Variants in TMIE observed in about 807,000 individuals in gnomAD.
TMIE encodes transmembrane inner ear, also known as transmembrane inner ear expressed protein.
In TMIE, 14 loss-of-function variants were observed where a neutral mutation model predicts 16.8. The ratio of observed to expected loss-of-function variants is 0.83; its 90% CI spans 0.55 to 1.30. The LOEUF (loss-of-function observed/expected upper bound fraction) is 1.30, where lower values mean the gene tolerates loss of function less well. TMIE is among the 50% of genes most tolerant of loss of function. The pLI, the probability that TMIE is intolerant of heterozygous loss-of-function variation, is 0.00. For missense variants in TMIE, 204 were observed against 205.9 expected, an observed-to-expected ratio of 0.99 and a Z score of 0.06; for synonymous variants, 75 against 87.2, an observed-to-expected ratio of 0.86 and a Z score of 0.78.
intron 1 of TMIE, among the ~76,000 whole-genome samples, chr3:46,695,309 G>C (rs956128577): frequency 6.6e-6 from 1 of 152,260 alleles, no homozygotes; most frequent in African/African-American, 2.4e-5. Context: ...TTCTGGAAGA[G>C]CTGGTATGGG....
chr3:46,696,125 A>C (rs1575466292), intron 1 of TMIE, among the ~76,000 whole-genome samples: 1 of 152,174 alleles, frequency 6.6e-6, no homozygotes, highest in Non-Finnish European at 1.5e-5. Context: ...TTCCACAGTC[A>C]GGGAATGGGT....
chr3:46,706,546 G>C (rs545659513), intron 2 of TMIE, among the ~76,000 whole-genome samples: 2 of 152,344 alleles, frequency 1.3e-5, no homozygotes, highest in East Asian at 3.9e-4. Flanking sequence ...GCCAAGTGGG[G>C]AGGCTGCCAT....
chr3:46,706,602 TG>T (rs1396426919), intron 2 of TMIE, among the ~76,000 whole-genome samples: 2 of 148,880 alleles, frequency 1.3e-5, no homozygotes, highest in Admixed American at 6.7e-5. Context: ...AAAAGCAGAG[TG>T]GGGGGGAATG....
At chr3:46,694,169 C>T (rs185538561), upstream of TMIE, among the ~76,000 whole-genome samples, 29 of 152,330 alleles carry the variant, frequency 1.9e-4, no homozygotes, top group East Asian at 5.6e-3. Context: ...GAGGGGTATA[C>T]TGAGGCGCCC....
At position 46,701,549 on chromosome 3, in the gene TMIE, G is replaced by A. The variant is rs1658121557; in HGVS notation, c.62G>A (p.Cys21Tyr). 1.5e-6 allele frequency: 2 copies of A among 1,291,268 alleles called. No individual in the cohort carries two copies. The highest frequency in any genetic ancestry group is 1.5e-5 in the African/African-American group (1 of 64,684). 80.0% of individuals were successfully genotyped at this position (1,291,268 alleles called of 1,614,324 possible). Residue 21 changes from cysteine to tyrosine, a missense_variant, in exon 1 of 4, where the codon TGC (cysteine) becomes TAC (tyrosine). Physicochemically the swap from Cys to Tyr is radical, Grantham distance 194. Coordinates refer to ENST00000643606, the MANE Select transcript of TMIE (RefSeq NM_147196.3). This position sits in a 1 kb window ranked among gnomAD's most constrained non-coding sequence, Gnocchi z 4.3. ...CTGGGCGGCGCCGCACTCGGGGTGT[G>A]CCTCGCGGGGGTTGCCGGGCAGCTG... is the stretch of plus-strand genomic sequence containing the variant. ...CVLGGAALGVCLAGVAGQLVE... is the reference protein window; with the variant it reads ...CVLGGAALGVYLAGVAGQLVE...
chr3:46,706,856 C>A (rs1252889201), intron 2 of TMIE, among the ~76,000 whole-genome samples: 1 of 152,194 alleles, frequency 6.6e-6, no homozygotes, highest in African/African-American at 2.4e-5. Context: ...GGTGGGGAGG[C>A]AAAAGCTGCA....
chr3:46,695,020 G>A (rs1398297322), intron 1 of TMIE, among the ~76,000 whole-genome samples: 1 of 152,154 alleles, frequency 6.6e-6, no homozygotes, highest in Non-Finnish European at 1.5e-5. Flanking sequence ...CCTCAAGGAG[G>A]CTTCTGGTGA....
At chr3:46,698,266 G>A (rs890949644), upstream of TMIE, among the ~76,000 whole-genome samples, 4 of 152,092 alleles carry the variant, frequency 2.6e-5, no homozygotes, top group Admixed American at 1.3e-4. Context: ...GGATGGTCTC[G>A]ATCTCCTGAC....
rs1294117780 is a variant in TMIE at position 46,701,709 on chromosome 3, C to T, written c.93+129C>T. ...TCTTGCCCTGAGAGATCCAGTCTCC[C>T]GGGCGATGCAGCCCTGCCCCAAGCC... On this transcript the variant is annotated intron_variant, in intron 1 of 3. Coordinates refer to ENST00000643606, the MANE Select transcript of TMIE (RefSeq NM_147196.3). The surrounding 1 kb of genome is among the most constrained non-coding windows in gnomAD (Gnocchi z 4.3). The T allele has an allele frequency of 5.4e-5, 41 of 761,048 alleles. No homozygotes were observed. In the East Asian group the frequency reaches 5.8e-4, roughly 11 times the overall value. The allele number at this position is 761,048 out of a possible 1,614,324, so 47.1% of individuals were successfully genotyped here.
At chr3:46,697,241 A>G (rs1020027236), upstream of TMIE, among the ~76,000 whole-genome samples, 4 of 152,304 alleles carry the variant, frequency 2.6e-5, no homozygotes, top group African/African-American at 7.2e-5. Flanking sequence ...GGCAGGCCCC[A>G]GGAAACGGAA....
At chr3:46,704,477 ATGTCCCTAGATGCCCAGGGCAGGACCG>A (rs1700521196) in intron 1 of TMIE, among the ~76,000 whole-genome samples, 1 of 121,136 alleles carries the variant, frequency 8.3e-6, no homozygotes, top group African/African-American at 3.2e-5. Flanking sequence ...GGGCAGGACC[ATGTCCCTAGATGCCCAGGGCAGGACCG>A]TGTCCCCTAG....
chr3:46,704,325 CACCCA>C (rs1700517002), intron 1 of TMIE, among the ~76,000 whole-genome samples: 1 of 137,998 alleles, frequency 7.2e-6, no homozygotes, highest in Admixed American at 7.4e-5. Flanking sequence ...TGTCCCTAGA[CACCCA>C]GGGCAGGAAC....
chr3:46,697,545 G>A (rs190750581), upstream of TMIE, among the ~76,000 whole-genome samples: 16 of 152,244 alleles, frequency 1.1e-4, no homozygotes, highest in Admixed American at 5.9e-4. Flanking sequence ...TGTATCCTTC[G>A]TAATACCCTT....
chr3:46,701,424 G>T lies in TMIE; in HGVS notation c.-64G>T. 7.5e-7 allele frequency: 1 copy of T among 1,336,554 alleles called. No individual in the cohort carries two copies. The highest frequency in any genetic ancestry group is 9.9e-7 in the Non-Finnish European group (1 of 1,009,398). The allele number at this position is 1,336,554 out of a possible 1,614,324, so 82.8% of individuals were successfully genotyped here. ...CGTGGCCACCGAGCGCCGGCTGGCA[G>T]GGGCAGTGACCGGCGGCCGGCCCGT... On this transcript the variant is annotated 5_prime_UTR_variant, in exon 1 of 4. It adds an upstream start codon to the 5' untranslated region. Transcript: ENST00000643606. This position sits in a 1 kb window ranked among gnomAD's most constrained non-coding sequence, Gnocchi z 4.3.
In TMIE at chr3:46,709,733, C is replaced by T. The variant is rs781024320; in HGVS notation, c.*45C>T. On this transcript the variant is annotated 3_prime_UTR_variant, in exon 4 of 4. Transcript: ENST00000643606. ...GGCTGGCGGGCCCTGGAGCTCAAGC[C>T]GTGGCCGGGGTCCAGGCATGTTGGA... The T allele has an allele frequency of 8.7e-6, 14 of 1,611,896 alleles. No homozygotes were observed. Among genetic ancestry groups the T allele is most frequent in the African/African-American group, 2.7e-5 (2 of 74,886 alleles).
Position 46,701,566 on chromosome 3 carries a change from G to A in TMIE, c.79G>A (p.Gly27Arg). 4 of 1,285,606 alleles carry A rather than the reference G, an allele frequency of 3.1e-6. No individual in the cohort carries two copies. The highest frequency in any genetic ancestry group is 3.9e-6 in the Non-Finnish European group (4 of 1,019,436). The allele number at this position is 1,285,606 out of a possible 1,614,324, so 79.6% of individuals were successfully genotyped here. The change falls in exon 1 of 4, where the codon GGG becomes AGG. Residue 27 changes from glycine to arginine, a missense_variant. Coordinates refer to ENST00000643606, the MANE Select transcript of TMIE (RefSeq NM_147196.3). This position sits in a 1 kb window ranked among gnomAD's most constrained non-coding sequence, Gnocchi z 4.3. ...ALGVCLAGVA[G>R]QLVEPSTAPP... ...CGGGGTGTGCCTCGCGGGGGTTGCC[G>A]GGCAGCTGGTGGAGGTGAGGCCGCG...
chr3:46,702,736 G>C (rs1348545939), intron 1 of TMIE, among the ~76,000 whole-genome samples: 3 of 152,142 alleles, frequency 2.0e-5, no homozygotes, highest in Non-Finnish European at 4.4e-5. Context: ...GTTTGATGGG[G>C]ACATAGGGAC....
chr3:46,705,824 C>T lies in TMIE; in HGVS notation c.128C>T (p.Pro43Leu), dbSNP rs762693127. 1.4e-5 allele frequency: 23 copies of T among 1,614,116 alleles called. No individual in the cohort carries two copies. Among genetic ancestry groups the T allele is most frequent in the South Asian group, 4.4e-5 (4 of 91,084 alleles). Residue 43 changes from proline (P) to leucine (L), a missense_variant, in exon 2 of 4, where the codon CCG (proline) becomes CTG (leucine). Physicochemically the swap from Pro to Leu is moderately conservative, Grantham distance 98 (BLOSUM62 -3). Coordinates refer to ENST00000643606, the MANE Select transcript of TMIE (RefSeq NM_147196.3). ...GCCCCACCCAAGCCCAAGCCGCCTC[C>T]GCTGACCAAGGAGACAGTGGTGTTC... ...STAPPKPKPP[P>L]LTKETVVFWD...
upstream of TMIE, among the ~76,000 whole-genome samples, chr3:46,697,651 G>C (rs150768788): frequency 6.6e-6 from 1 of 152,118 alleles, no homozygotes; most frequent in Admixed American, 6.5e-5. Context: ...GAACCCCAGC[G>C]TGAAGCCAGT....
Sources: allele counts gnomAD v4.1 joint callset (sites outside exome capture counted in the v4.1 genomes callset), GRCh38; gene constraint gnomAD v4.1.1; non-coding constraint Gnocchi (gnomAD v3.1); transcripts MANE v1.5; gene names NCBI Gene and HGNC (gene_info 2026-07-23, HGNC 2026-07-21).